SLC25A13: variants seen among roughly 807,000 people sequenced by gnomAD.
SLC25A13 encodes the protein electrogenic aspartate/glutamate antiporter SLC25A13, mitochondrial.
Under a neutral mutation model 85.5 loss-of-function variants are expected in SLC25A13, and 70 were observed. The ratio of observed to expected loss-of-function variants is 0.82; its 90% CI spans 0.68 to 1.00. SLC25A13 has a LOEUF of 1.00. Among genes scored for constraint, SLC25A13 ranks in the 50% least tolerant of loss-of-function variants. The probability of loss-of-function intolerance (pLI) is 0.00; values close to 1 mark genes in which losing one functional copy is unlikely to be tolerated. For synonymous variants in SLC25A13, 259 were observed against 288.7 expected (o/e 0.90, Z 1.04); for missense variants, 765 against 819.8 (o/e 0.93, Z 0.82).
chr7:96,321,752 C>T (rs897649440), intron 1 of SLC25A13, among the ~76,000 whole-genome samples, 190 bp downstream of exon 1: 2 of 152,330 alleles, frequency 1.3e-5, no homozygotes, highest in Middle Eastern at 3.4e-3. Context: ...GCCTCGGTCT[C>T]TGCACCGACC....
intron 2 of SLC25A13, among the ~76,000 whole-genome samples, chr7:96,295,788 C>A (rs1184689475): frequency 6.6e-6 from 1 of 151,868 alleles, no homozygotes; most frequent in East Asian, 1.9e-4. Flanking sequence ...TCTTTCCATA[C>A]AACTCAGCTG....
chr7:96,277,028 T>A (rs1442161090), intron 3 of SLC25A13, among the ~76,000 whole-genome samples, 168 bp downstream of exon 3: 4 of 152,108 alleles, frequency 2.6e-5, no homozygotes, highest in African/African-American at 2.4e-5. Flanking sequence ...AAACAATGAT[T>A]GAAGGAACTA....
intron 13 of SLC25A13, among the ~76,000 whole-genome samples, chr7:96,150,102 T>A (rs993780914): frequency 6.6e-6 from 1 of 151,992 alleles, no homozygotes; most frequent in Non-Finnish European, 1.5e-5. Context: ...TAACACTGAC[T>A]TTTCTACATG....
At position 96,144,964 on chromosome 7, in the gene SLC25A13, C is replaced by A. The variant is rs571853508; in HGVS notation, c.1452+1592G>T. 4.6e-3 allele frequency among the ~76,000 whole-genome samples: 696 copies of A among 152,224 alleles called. 1 individual carries two copies. Among genetic ancestry groups the A allele is most frequent in the Non-Finnish European group, 8.4e-3 (570 of 68,016 alleles). On this transcript the variant is annotated intron_variant, in intron 14 of 17. Coordinates refer to ENST00000265631, the MANE Select transcript of SLC25A13 (RefSeq NM_014251.3). ...ATCTTGTCAAAATGACATGCTGCTA[C>A]ATCATATTACAGACTGCAAGAGCCT...
At chr7:96,239,242 T>C (rs980315774) in intron 3 of SLC25A13, among the ~76,000 whole-genome samples, 7 of 149,864 alleles carry the variant, frequency 4.7e-5, no homozygotes, top group Non-Finnish European at 7.4e-5. Context: ...AGATGAACCA[T>C]AAAATCATAA....
chr7:96,208,414 C>G (rs1795543776), intron 5 of SLC25A13, among the ~76,000 whole-genome samples: 1 of 151,962 alleles, frequency 6.6e-6, no homozygotes, highest in Non-Finnish European at 1.5e-5. Context: ...GTAAGTAAAT[C>G]ACAGTATGTA....
chr7:96,234,317 G>T (rs550380635), intron 4 of SLC25A13, among the ~76,000 whole-genome samples: 4 of 152,282 alleles, frequency 2.6e-5, no homozygotes, highest in South Asian at 4.1e-4. Flanking sequence ...AGCGGGGGTT[G>T]TTTAGAACAA....
intron 5 of SLC25A13, among the ~76,000 whole-genome samples, chr7:96,196,220 C>T (rs969328328): frequency 6.6e-6 from 1 of 152,146 alleles, no homozygotes; most frequent in Non-Finnish European, 1.5e-5. Flanking sequence ...GACCACAGTG[C>T]GTATTCAATT....
At chr7:96,229,583 T>G (rs1294274175) in intron 4 of SLC25A13, among the ~76,000 whole-genome samples, 3 of 152,144 alleles carry the variant, frequency 2.0e-5, no homozygotes, top group Non-Finnish European at 2.9e-5. Context: ...CCGCATTGCC[T>G]TTATGAGCTA....
chr7:96,316,330 T>G (rs985694364), intron 1 of SLC25A13, among the ~76,000 whole-genome samples: 21 of 152,214 alleles, frequency 1.4e-4, no homozygotes, highest in African/African-American at 3.9e-4. Context: ...TGCAGGGATT[T>G]GCGATCTGGT....
chr7:96,233,913 C>T (rs141359411), intron 4 of SLC25A13, among the ~76,000 whole-genome samples: 36 of 152,350 alleles, frequency 2.4e-4, no homozygotes, highest in African/African-American at 8.4e-4. Flanking sequence ...CTGGGTCTCA[C>T]GTTCTATGAC....
chr7:96,319,044 G>A (rs755634811), intron 1 of SLC25A13, among the ~76,000 whole-genome samples: 32 of 152,180 alleles, frequency 2.1e-4, no homozygotes, highest in African/African-American at 6.5e-4. Flanking sequence ...AGAATCAACC[G>A]ATAAAGGTGA....
chr7:96,192,022 C>T (rs1794873870), intron 6 of SLC25A13, among the ~76,000 whole-genome samples: 1 of 152,150 alleles, frequency 6.6e-6, no homozygotes, highest in Admixed American at 6.5e-5. Context: ...GTAACAACCA[C>T]ATAAATCTTC....
chr7:96,206,960 G>A (rs894080906), intron 5 of SLC25A13, among the ~76,000 whole-genome samples: 1 of 152,118 alleles, frequency 6.6e-6, no homozygotes, highest in African/African-American at 2.4e-5. Flanking sequence ...GTTCCATAAA[G>A]TCAATTTGAG....
intron 1 of SLC25A13, among the ~76,000 whole-genome samples, chr7:96,311,017 T>C (rs148522491): frequency 1.8e-4 from 27 of 152,322 alleles, no homozygotes; most frequent in Middle Eastern, 3.4e-3. Flanking sequence ...TAATATCCAA[T>C]TGAATTTTAA....
At chr7:96,242,843 G>A (rs1797044357) in intron 3 of SLC25A13, among the ~76,000 whole-genome samples, 1 of 152,222 alleles carries the variant, frequency 6.6e-6, no homozygotes, top group African/African-American at 2.4e-5. Context: ...CCTAAAATGT[G>A]TAAAACCAAG....
chr7:96,254,725 G>A (rs1797560952), intron 3 of SLC25A13, among the ~76,000 whole-genome samples: 2 of 152,042 alleles, frequency 1.3e-5, no homozygotes, highest in African/African-American at 4.8e-5. Context: ...TTTTGGATAC[G>A]AATGGGGAAG....
intron 3 of SLC25A13, among the ~76,000 whole-genome samples, chr7:96,249,028 G>A (rs1797312179): frequency 6.6e-6 from 1 of 152,152 alleles, no homozygotes; most frequent in African/African-American, 2.4e-5. Context: ...TTCTAAAGCT[G>A]GGCACAATTG....
intron 14 of SLC25A13, among the ~76,000 whole-genome samples, chr7:96,133,488 G>C (rs1328066390): frequency 6.6e-6 from 1 of 152,158 alleles, no homozygotes; most frequent in African/African-American, 2.4e-5. Flanking sequence ...CCAGAGACAA[G>C]TCCAAAACTC....
Sources: allele counts gnomAD v4.1 joint callset (sites outside exome capture counted in the v4.1 genomes callset), GRCh38; gene constraint gnomAD v4.1.1; transcripts MANE v1.5; gene names NCBI Gene and HGNC (gene_info 2026-07-23, HGNC 2026-07-21).